The following PAPOLA variants were observed in gnomAD, a reference collection of about 807,000 sequenced individuals.
PAPOLA encodes the protein poly(A) polymerase alpha.
PAPOLA carries 15 observed loss-of-function variants against 100.6 expected under a neutral mutation model. The ratio of observed to expected loss-of-function variants is 0.15; its 90% CI spans 0.10 to 0.23. The LOEUF is 0.23. Among genes scored for constraint, PAPOLA ranks in the 10% least tolerant of loss-of-function variants. The pLI is 1.00. For missense variants in PAPOLA, 533 were observed against 884.2 expected (o/e 0.60, Z 5.04); for synonymous variants, 293 against 300.0 (o/e 0.98, Z 0.24).
intron 10 of PAPOLA, chr14:96,535,374 A>G: frequency 1.0e-6 from 1 of 977,854 alleles, no homozygotes; most frequent in Non-Finnish European, 1.2e-6. Context: ...TTTAAAATTA[A>G]CAGTATATCA....
intron 17 of PAPOLA, 146 bp from the exon 18 acceptor site, chr14:96,555,701 G>A (rs1818388646): frequency 2.2e-6 from 1 of 445,316 alleles, no homozygotes. Flanking sequence ...AATAAAGTCA[G>A]TTGCTAAATT....
Position 96,532,608 on chromosome 14 carries a change from A to G in PAPOLA, c.795A>G (p.Ala265=). 1 of 1,612,432 alleles carries G rather than the reference A, an allele frequency of 6.2e-7. No homozygotes were observed. The highest frequency in any genetic ancestry group is 8.5e-7 in the Non-Finnish European group (1 of 1,179,252). ...RTCQLYPNAI[A]STLVHKFFLV... ...GCCAGCTTTATCCAAATGCAATAGC[A>G]TCAACTCTTGTACATAAATTTTTCT... The change falls in exon 9 of 22, where the codon GCA becomes GCG. Residue 265 remains alanine, a synonymous_variant. Coordinates refer to ENST00000216277, the MANE Select transcript of PAPOLA (RefSeq NM_032632.5).
intron 12 of PAPOLA, among the ~76,000 whole-genome samples, chr14:96,539,904 T>A (rs541546297): frequency 8.5e-5 from 13 of 152,304 alleles, no homozygotes; most frequent in South Asian, 8.3e-4. Context: ...GGTTTTTTTT[T>A]ATTAAACTTA....
intron 1 of PAPOLA, among the ~76,000 whole-genome samples, chr14:96,508,751 CTT>C (rs1896902428): frequency 1.3e-5 from 2 of 152,242 alleles, no homozygotes; most frequent in South Asian, 4.2e-4. Flanking sequence ...GTGTGTGTCT[CTT>C]TTATTCTGTA....
chr14:96,535,207 T>G (rs1899412613), intron 10 of PAPOLA: 1 of 896,560 alleles, frequency 1.1e-6, no homozygotes, highest in East Asian at 1.2e-4. Context: ...TATGAAATCC[T>G]TTTTTTCTAA....
chr14:96,520,149 G>T lies in PAPOLA; in HGVS notation c.103G>T (p.Asp35Tyr). 1 of 1,613,936 alleles carries T rather than the reference G, an allele frequency of 6.2e-7. No homozygotes were observed. Among genetic ancestry groups the T allele is most frequent in the South Asian group, 1.1e-5 (1 of 91,044 alleles). The change falls in exon 2 of 22, where the codon GAC (aspartate) becomes TAC (tyrosine). Residue 35 changes from aspartate to tyrosine, a missense_variant. Coordinates refer to ENST00000216277, the MANE Select transcript of PAPOLA (RefSeq NM_032632.5). ...CAGCTTAGCAGCCCCCAAGGAGACT[G>T]ACTGCGTACTTACACAGAAACTAAT... ...PISLAAPKETDCVLTQKLIET... is the reference protein window; with the variant it reads ...PISLAAPKETYCVLTQKLIET...
chr14:96,505,693 C>G (rs978649326), intron 1 of PAPOLA, among the ~76,000 whole-genome samples: 2 of 152,010 alleles, frequency 1.3e-5, no homozygotes, highest in Non-Finnish European at 2.9e-5. Flanking sequence ...TCTGTGGATG[C>G]TTGGGGAGGG....
chr14:96,538,657 T>TA, intron 12 of PAPOLA, among the ~76,000 whole-genome samples: 1 of 152,174 alleles, frequency 6.6e-6, no homozygotes, highest in African/African-American at 2.4e-5. Context: ...GACAATGGGC[T>TA]AGTTTTATCC....
chr14:96,539,649 A>C (rs546322980), intron 12 of PAPOLA, among the ~76,000 whole-genome samples: 5 of 152,140 alleles, frequency 3.3e-5, no homozygotes, highest in African/African-American at 1.2e-4. Flanking sequence ...AAAGTCTCGC[A>C]TGGAGGCACT....
chr14:96,544,087 C>A (rs944570490), intron 14 of PAPOLA, 62 bp from the exon 15 acceptor site: 4 of 869,302 alleles, frequency 4.6e-6, no homozygotes, highest in Non-Finnish European at 1.9e-6. Flanking sequence ...TGATTGTCAG[C>A]CACACTGATA....
At chr14:96,502,929 A>C in intron 1 of PAPOLA, 1 of 336,978 alleles carries the variant, frequency 3.0e-6, no homozygotes. Context: ...AATCAAAACA[A>C]CCCGAAAACA....
At position 96,549,439 on chromosome 14, in the gene PAPOLA, G is replaced by A. The variant is rs1240328452; in HGVS notation, c.1521+1521G>A. On this transcript the variant is annotated intron_variant, in intron 16 of 21. Coordinates refer to ENST00000216277, the MANE Select transcript of PAPOLA (RefSeq NM_032632.5). ...AATTTTTTGTATTTTTAGTAGAGAC[G>A]GGGTTTCACCGTGTTAGCCAGGATG... Among the ~76,000 whole-genome samples the A allele has an allele frequency of 2.6e-5, 4 of 151,842 alleles. 1 individual carries two copies. The highest frequency in any genetic ancestry group is 4.2e-4 in the South Asian group (2 of 4,804).
intron 21 of PAPOLA, 130 bp from the exon 22 acceptor site, chr14:96,564,825 T>TA: frequency 1.7e-6 from 1 of 587,410 alleles, no homozygotes; most frequent in Non-Finnish European, 3.1e-6. Context: ...TTGACAACAT[T>TA]ATAGAGTTTT....
intron 3 of PAPOLA, among the ~76,000 whole-genome samples, chr14:96,522,498 C>T (rs1027919077): frequency 3.9e-5 from 6 of 151,982 alleles, no homozygotes; most frequent in African/African-American, 1.5e-4. Context: ...GTATCCTCCA[C>T]CTCCCGGGCT....
intron 11 of PAPOLA, 146 bp from the exon 12 acceptor site, chr14:96,536,830 T>A (rs1595534356): frequency 1.7e-6 from 1 of 577,262 alleles, no homozygotes; most frequent in East Asian, 2.8e-5. Flanking sequence ...TATATAAGAG[T>A]ATGCTCTAAA....
At position 96,565,350 on chromosome 14, in the gene PAPOLA, A is replaced by C. The variant is rs1285796233; in HGVS notation, c.*300A>C. Reference sequence around the variant, plus strand: ...CATAATTGACATCTGGATTGGGTTTATGTTTGATGCATTGTTTGGAAAATT... The same window carrying C: ...CATAATTGACATCTGGATTGGGTTTCTGTTTGATGCATTGTTTGGAAAATT... On this transcript the variant is annotated 3_prime_UTR_variant, in exon 22 of 22. Transcript: ENST00000216277. 3.2e-6 allele frequency: 1 copy of C among 312,492 alleles called. No homozygotes were observed. Among genetic ancestry groups the C allele is most frequent in the African/African-American group, 2.1e-5 (1 of 47,308 alleles). 19.4% of individuals were successfully genotyped at this position (312,492 alleles called of 1,614,324 possible).
Position 96,522,112 on chromosome 14 carries a change from C to CTTTTTTTT in PAPOLA, c.249+1043_249+1044insTTTTTTTT, listed in dbSNP as rs1350167869. 1.3e-3 allele frequency among the ~76,000 whole-genome samples: 124 copies of CTTTTTTTT among 98,670 alleles called. 2 individuals carry two copies. The highest frequency in any genetic ancestry group is 3.9e-3 in the African/African-American group (76 of 19,680). The allele number at this position is 98,670 out of a possible 152,430, so 64.7% of individuals were successfully genotyped here. A position where few individuals can be genotyped will look rare whatever the true frequency, so the allele number is the denominator to read the frequency against. ...GCCACTGCATCTAGCCTCTTTCTTT[C>CTTTTTTTT]TTTCTTTTTTTTTTTTTTTTTTTTT... On this transcript the variant is annotated intron_variant, in intron 3 of 21. Coordinates refer to ENST00000216277, the MANE Select transcript of PAPOLA (RefSeq NM_032632.5).
intron 2 of PAPOLA, among the ~76,000 whole-genome samples, chr14:96,520,679 ATAGAG>A (rs1352748546): frequency 6.6e-6 from 1 of 152,136 alleles, no homozygotes; most frequent in African/African-American, 2.4e-5. Flanking sequence ...TATTTTCTAC[ATAGAG>A]TTCTCTTCCC....
At chr14:96,561,779 C>T (rs1435830256) in intron 20 of PAPOLA, among the ~76,000 whole-genome samples, 1 of 149,912 alleles carries the variant, frequency 6.7e-6, no homozygotes, top group Non-Finnish European at 1.5e-5. Flanking sequence ...ATTCCTACTT[C>T]TTACATCTTA....
Sources: allele counts gnomAD v4.1 joint callset (sites outside exome capture counted in the v4.1 genomes callset), GRCh38; gene constraint gnomAD v4.1.1; transcripts MANE v1.5; gene names NCBI Gene and HGNC (gene_info 2026-07-23, HGNC 2026-07-21).